The following KANSL1 variants were observed in gnomAD, a reference collection of about 807,000 sequenced individuals.
The protein encoded by KANSL1 is KAT8 regulatory NSL complex subunit 1, also known as MLL1/MLL complex subunit KANSL1.
KANSL1 carries 22 observed loss-of-function variants against 103.6 expected under a neutral mutation model. The ratio of observed to expected loss-of-function variants is 0.21; its 90% CI spans 0.15 to 0.30. The LOEUF is 0.30. Among genes scored for constraint, KANSL1 ranks in the 10% least tolerant of loss-of-function variants. KANSL1 has a pLI of 1.00. For synonymous variants in KANSL1, 600 were observed against 527.6 expected (o/e 1.14, Z -1.88); for missense variants, 1,337 against 1,399.8 (o/e 0.96, Z 0.72).
intron 2 of KANSL1, among the ~76,000 whole-genome samples, chr17:46,095,743 C>T (rs1345634760): frequency 6.6e-6 from 1 of 152,088 alleles, no homozygotes; most frequent in African/African-American, 2.4e-5. Context: ...AGTTAAAAGG[C>T]CAACTACATT....
chr17:46,170,699 A>G (rs1439818391), intron 2 of KANSL1, 156 bp downstream of exon 2: 9 of 778,572 alleles, frequency 1.2e-5, no homozygotes, highest in Non-Finnish European at 1.8e-5. Flanking sequence ...CTTCACTAGC[A>G]TGTATATGCA....
chr17:46,069,279 A>T (rs970222038), intron 4 of KANSL1, among the ~76,000 whole-genome samples: 5 of 152,140 alleles, frequency 3.3e-5, no homozygotes, highest in African/African-American at 1.2e-4. Context: ...TCTCTTTCCT[A>T]TAAAAGCTTT....
intron 1 of KANSL1, among the ~76,000 whole-genome samples, chr17:46,199,485 T>C (rs1244540765): frequency 1.3e-5 from 2 of 152,260 alleles, no homozygotes; most frequent in Non-Finnish European, 2.9e-5. Context: ...AGTATTTTTA[T>C]GTACTGACTG....
intron 1 of KANSL1, among the ~76,000 whole-genome samples, chr17:46,201,981 T>C (rs62061982): frequency 0.11 from 17,192 of 150,084 alleles, no homozygotes; most frequent in Non-Finnish European, 0.17. Context: ...CACTCCAACC[T>C]GAGTAACAGA....
At chr17:46,139,754 C>G (rs1456979046) in intron 2 of KANSL1, among the ~76,000 whole-genome samples, 1 of 152,158 alleles carries the variant, frequency 6.6e-6, no homozygotes, top group Non-Finnish European at 1.5e-5. Flanking sequence ...CCGTCCCTCT[C>G]CTACAACAGC....
At chr17:46,216,868 G>A (rs1003264885) in intron 1 of KANSL1, among the ~76,000 whole-genome samples, 1 of 152,152 alleles carries the variant, frequency 6.6e-6, no homozygotes, top group Non-Finnish European at 1.5e-5. Context: ...CACTTTGGGA[G>A]GCCAAGGCCA....
At chr17:46,141,389 GC>G (rs1355196558) in intron 2 of KANSL1, among the ~76,000 whole-genome samples, 2 of 152,220 alleles carry the variant, frequency 1.3e-5, no homozygotes, top group Non-Finnish European at 2.9e-5. Context: ...CAGCTGAAGA[GC>G]CCTTCTCTTT....
At chr17:46,180,031 T>TC (rs2046708320) in intron 1 of KANSL1, among the ~76,000 whole-genome samples, 1 of 151,086 alleles carries the variant, frequency 6.6e-6, no homozygotes, top group Non-Finnish European at 1.5e-5. Flanking sequence ...GCCACTGCAC[T>TC]CCAGCTTGGG....
chr17:46,157,099 A>G (rs1182196897), intron 2 of KANSL1, among the ~76,000 whole-genome samples: 1 of 152,198 alleles, frequency 6.6e-6, no homozygotes, highest in East Asian at 1.9e-4. Flanking sequence ...GAAAATGTTT[A>G]TATTTTTCTC....
At chr17:46,162,457 A>G (rs978241702) in intron 2 of KANSL1, among the ~76,000 whole-genome samples, 2 of 152,272 alleles carry the variant, frequency 1.3e-5, no homozygotes, top group Admixed American at 6.5e-5. Context: ...ATATTTAAAT[A>G]AAAATTAATG....
intron 7 of KANSL1, 49 bp downstream of exon 7, chr17:46,050,484 G>A (rs2077674277): frequency 7.7e-6 from 12 of 1,562,820 alleles, no homozygotes; most frequent in African/African-American, 1.4e-5. Flanking sequence ...TCACCTAGAA[G>A]TCTCTCAAGT....
At chr17:46,094,747 C>T (rs7501903) in intron 2 of KANSL1, 46 bp from the exon 3 acceptor site, 4 of 1,610,152 alleles carry the variant, frequency 2.5e-6, no homozygotes, top group Middle Eastern at 1.7e-4. Flanking sequence ...GCAGTAATAT[C>T]TATACCAGAT....
chr17:46,047,366 G>A (rs1459833682), intron 7 of KANSL1, among the ~76,000 whole-genome samples: 1 of 152,190 alleles, frequency 6.6e-6, no homozygotes, highest in Non-Finnish European at 1.5e-5. Flanking sequence ...ACACAATCAG[G>A]TTCATTTGTT....
intron 1 of KANSL1, among the ~76,000 whole-genome samples, chr17:46,187,972 A>T (rs1163600515): frequency 2.0e-5 from 3 of 152,254 alleles, no homozygotes; most frequent in Non-Finnish European, 4.4e-5. Flanking sequence ...AATAAAAAAA[A>T]ATATATATTG....
intron 1 of KANSL1, among the ~76,000 whole-genome samples, chr17:46,217,957 C>T (rs1387137772): frequency 6.6e-6 from 1 of 151,970 alleles, no homozygotes; most frequent in Non-Finnish European, 1.5e-5. Context: ...ACCTGAGAGG[C>T]AGAGGTTGCA....
intron 2 of KANSL1, among the ~76,000 whole-genome samples, chr17:46,127,240 C>T (rs78746179): frequency 0.049 from 7,497 of 151,606 alleles, 2 homozygotes; most frequent in Non-Finnish European, 0.073. Flanking sequence ...GAATTGAATT[C>T]TGTGTTCTCT....
chr17:46,078,132 G>C (rs1195917781), intron 4 of KANSL1, among the ~76,000 whole-genome samples: 1 of 152,134 alleles, frequency 6.6e-6, no homozygotes, highest in Non-Finnish European at 1.5e-5. Flanking sequence ...TGTGGAGCTA[G>C]TTTTGTTTTT....
intron 1 of KANSL1, among the ~76,000 whole-genome samples, chr17:46,200,379 T>G (rs948991609): frequency 1.3e-5 from 2 of 152,068 alleles, no homozygotes; most frequent in Non-Finnish European, 2.9e-5. Flanking sequence ...CTGACAAAAG[T>G]GAGTCAGAAG....
intron 1 of KANSL1, among the ~76,000 whole-genome samples, chr17:46,191,486 A>G (rs2047319710): frequency 6.6e-6 from 1 of 152,248 alleles, no homozygotes; most frequent in Non-Finnish European, 1.5e-5. Context: ...AAAAGCAGAG[A>G]AAACAGAAAT....
Sources: gnomAD v4.1 joint callset for allele counts (sites outside exome capture counted in the v4.1 genomes callset) on GRCh38, gnomAD v4.1.1 for gene constraint, MANE v1.5 for transcripts, NCBI Gene and HGNC (gene_info 2026-07-23, HGNC 2026-07-21) for gene names.